LDHC: variants seen among roughly 807,000 people sequenced by gnomAD.
LDHC encodes lactate dehydrogenase C.
In LDHC, 20 loss-of-function variants were observed where a neutral mutation model predicts 30.2. The ratio of observed to expected loss-of-function variants is 0.66; its 90% CI spans 0.47 to 0.96. The LOEUF is 0.96. LDHC is among the 40% of genes least tolerant of loss of function. LDHC has a pLI of 0.00. For synonymous variants in LDHC, 139 were observed against 132.7 expected, an observed-to-expected ratio of 1.05 and a Z score of -0.32; for missense variants, 362 against 394.9, an observed-to-expected ratio of 0.92 and a Z score of 0.71.
intron 2 of LDHC, among the ~76,000 whole-genome samples, chr11:18,413,070 T>C (rs1295991648): frequency 6.6e-6 from 1 of 151,614 alleles, no homozygotes; most frequent in Non-Finnish European, 1.5e-5. Context: ...CTTTCTTTTT[T>C]TTTCTGACTT....
At chr11:18,426,759 A>T (rs1445887538) in intron 3 of LDHC, among the ~76,000 whole-genome samples, 1 of 152,204 alleles carries the variant, frequency 6.6e-6, no homozygotes, top group African/African-American at 2.4e-5. Flanking sequence ...ATGATAAATA[A>T]TGAATGATAT....
intron 6 of LDHC, among the ~76,000 whole-genome samples, chr11:18,439,830 A>AAAAAAAC (rs1565055671): frequency 1.7e-5 from 2 of 115,800 alleles, no homozygotes; most frequent in African/African-American, 6.2e-5. Flanking sequence ...AAAAAAAAAA[A>AAAAAAAC]AAAAAACAAA....
At chr11:18,414,510 A>G (rs1242262876) in intron 2 of LDHC, among the ~76,000 whole-genome samples, 1 of 152,154 alleles carries the variant, frequency 6.6e-6, no homozygotes, top group East Asian at 1.9e-4. Context: ...TAGCCAACTC[A>G]GAAATTAGGG....
At chr11:18,434,938 C>T (rs765184584) in intron 5 of LDHC, 25 bp downstream of exon 5, 129 of 1,493,960 alleles carry the variant, frequency 8.6e-5, no homozygotes, top group South Asian at 1.5e-4. Context: ...ATTATTATTA[C>T]GTGACTACCC....
chr11:18,419,554 A>G (rs1867081751), intron 3 of LDHC, among the ~76,000 whole-genome samples: 1 of 152,200 alleles, frequency 6.6e-6, no homozygotes, highest in Non-Finnish European at 1.5e-5. Flanking sequence ...GAACTTCCAC[A>G]AATAAACTTC....
chr11:18,413,971 G>A (rs1042037545), intron 2 of LDHC, among the ~76,000 whole-genome samples: 7 of 152,242 alleles, frequency 4.6e-5, no homozygotes, highest in African/African-American at 1.7e-4. Context: ...GGATTCTGAA[G>A]TTCACACATA....
chr11:18,417,767 TTTAATA>T lies in LDHC; in HGVS notation c.244+2472_244+2477del, dbSNP rs1321260366. On this transcript the variant is annotated intron_variant, in intron 3 of 7. Coordinates refer to ENST00000541669, the MANE Select transcript of LDHC (RefSeq NM_017448.5). ...CTTACTTTTCATAGAAACAATTATT[TTTAATA>T]TTAATTATGGAATACTTGATAGAGA... 2.6e-5 allele frequency among the ~76,000 whole-genome samples: 4 copies of T among 152,166 alleles called. No individual in the cohort carries two copies. In the East Asian group the frequency reaches 7.7e-4, roughly 29 times the overall value.
At chr11:18,414,696 C>T (rs997369993) in intron 2 of LDHC, among the ~76,000 whole-genome samples, 24 of 151,998 alleles carry the variant, frequency 1.6e-4, no homozygotes, top group Non-Finnish European at 3.5e-4. Flanking sequence ...GACATGGTGG[C>T]GGGCGCCTGT....
intron 4 of LDHC, among the ~76,000 whole-genome samples, chr11:18,430,966 C>T (rs1190918668): frequency 1.3e-5 from 2 of 151,744 alleles, no homozygotes; most frequent in Admixed American, 1.3e-4. Flanking sequence ...GAGTTTGAGA[C>T]CAGTGTGGGC....
At chr11:18,412,989 T>TCCCTCCCTCCCTC (rs1866924413) in intron 2 of LDHC, 146 bp downstream of exon 2, 9 of 305,546 alleles carry the variant, frequency 2.9e-5, no homozygotes, top group African/African-American at 2.4e-4. Context: ...CTCCCTCCCT[T>TCCCTCCCTCCCTC]CCTTCCTTCC....
At chr11:18,432,466 T>A (rs112255258) in intron 4 of LDHC, among the ~76,000 whole-genome samples, 2,032 of 152,318 alleles carry the variant, frequency 0.013, 50 homozygotes, top group African/African-American at 0.046. Context: ...TGTGTATATA[T>A]CTGTTAAATC....
chr11:18,438,729 C>A, intron 6 of LDHC, 84 bp downstream of exon 6: 1 of 689,354 alleles, frequency 1.5e-6, no homozygotes, highest in Non-Finnish European at 2.5e-6. Flanking sequence ...GTAGTTGATC[C>A]TTGCTTTTTG....
intron 5 of LDHC, among the ~76,000 whole-genome samples, chr11:18,437,970 C>G (rs1412364140): frequency 1.3e-5 from 2 of 151,712 alleles, no homozygotes; most frequent in Non-Finnish European, 2.9e-5. Context: ...GAGGCTGAAA[C>G]AGAAGAATCC....
At chr11:18,436,511 A>T (rs1267062793) in intron 5 of LDHC, among the ~76,000 whole-genome samples, 1 of 112,780 alleles carries the variant, frequency 8.9e-6, no homozygotes, top group African/African-American at 3.4e-5. Context: ...TTTGAGACAG[A>T]GTTTCGCTCT....
chr11:18,435,184 T>C (rs536078172), intron 5 of LDHC, among the ~76,000 whole-genome samples: 1 of 152,272 alleles, frequency 6.6e-6, no homozygotes, highest in East Asian at 1.9e-4. Flanking sequence ...TTTATTGTGA[T>C]TTTTTAAAAC....
At position 18,446,171 on chromosome 11, in the gene LDHC, T is replaced by A. The variant is rs551090782; in HGVS notation, c.711-39T>A. Reference sequence around the variant, plus strand: ...AATATTATGTTTTCTCTGGGTTGACTTATTATGAATTTGATTTTCTTACTT... The same window carrying A: ...AATATTATGTTTTCTCTGGGTTGACATATTATGAATTTGATTTTCTTACTT... On this transcript the variant is annotated intron_variant, in intron 6 of 7. Coordinates refer to ENST00000541669, the MANE Select transcript of LDHC (RefSeq NM_017448.5). 6 of 1,541,338 alleles carry A rather than the reference T, an allele frequency of 3.9e-6. No individual in the cohort carries two copies. In the Admixed American group the frequency reaches 8.6e-5, roughly 22 times the overall value.
intron 7 of LDHC, among the ~76,000 whole-genome samples, chr11:18,449,143 C>G (rs1320984322): frequency 6.6e-6 from 1 of 151,998 alleles, no homozygotes; most frequent in Non-Finnish European, 1.5e-5. Context: ...CATCAGAGGC[C>G]TTGCCTCTGA....
At chr11:18,440,216 C>T (rs865822398) in intron 6 of LDHC, among the ~76,000 whole-genome samples, 2 of 148,934 alleles carry the variant, frequency 1.3e-5, no homozygotes, top group Non-Finnish European at 3.0e-5. Context: ...CAGGAGGCTG[C>T]GGCAGGAGAA....
At chr11:18,434,598 C>G in intron 4 of LDHC, 142 bp from the exon 5 acceptor site, 1 of 579,234 alleles carries the variant, frequency 1.7e-6, no homozygotes, top group Non-Finnish European at 3.1e-6. Flanking sequence ...CAGGCGTGAG[C>G]CACCGCACCC....
Sources: gnomAD v4.1 joint callset for allele counts (sites outside exome capture counted in the v4.1 genomes callset) on GRCh38, gnomAD v4.1.1 for gene constraint, MANE v1.5 for transcripts, NCBI Gene and HGNC (gene_info 2026-07-23, HGNC 2026-07-21) for gene names.